The following CDK14 variants were observed in gnomAD, a reference collection of about 807,000 sequenced individuals.
The protein encoded by CDK14 is cyclin-dependent kinase 14.
In CDK14, 34 loss-of-function variants were observed where a neutral mutation model predicts 60.7. The ratio of observed to expected loss-of-function variants is 0.56; its 90% confidence interval spans 0.43 to 0.75. CDK14 has a LOEUF of 0.75. Ranked by LOEUF, CDK14 falls within the 30% of genes least tolerant of loss-of-function variation. The pLI is 0.00. For synonymous variants in CDK14, 197 were observed against 203.7 expected (o/e 0.97, Z 0.28); for missense variants, 482 against 564.1 (o/e 0.85, Z 1.47).
intron 2 of CDK14, among the ~76,000 whole-genome samples, chr7:90,699,419 C>G (rs1563049237): frequency 2.0e-5 from 3 of 152,196 alleles, no homozygotes; most frequent in Admixed American, 6.5e-5. Flanking sequence ...TCATTTAGCC[C>G]TGCAGCAACC....
intron 13 of CDK14, among the ~76,000 whole-genome samples, chr7:91,115,570 T>A (rs969578657): frequency 5.9e-5 from 9 of 152,166 alleles, no homozygotes; most frequent in African/African-American, 1.9e-4. Flanking sequence ...AGATGGCTCA[T>A]AGCACTTTCT....
intron 2 of CDK14, among the ~76,000 whole-genome samples, chr7:90,651,646 T>C (rs1800644946): frequency 6.6e-6 from 1 of 152,170 alleles, no homozygotes; most frequent in African/African-American, 2.4e-5. Flanking sequence ...ACAATTACAG[T>C]GACATGTTTG....
At chr7:90,923,564 T>G (rs1249637942) in intron 8 of CDK14, among the ~76,000 whole-genome samples, 1 of 152,150 alleles carries the variant, frequency 6.6e-6, no homozygotes, top group African/African-American at 2.4e-5. Context: ...GTAGATAGGG[T>G]TTGATTGCTA....
intron 4 of CDK14, among the ~76,000 whole-genome samples, chr7:90,779,077 C>A (rs1805188137): frequency 6.6e-6 from 1 of 151,926 alleles, no homozygotes. Flanking sequence ...CATGGTGAAA[C>A]CCCGTCTCTA....
At chr7:90,804,464 T>A (rs1215173348) in intron 5 of CDK14, among the ~76,000 whole-genome samples, 1 of 152,274 alleles carries the variant, frequency 6.6e-6, no homozygotes, top group East Asian at 1.9e-4. Flanking sequence ...TAACATGAAT[T>A]GCTTAAAGCG....
At chr7:90,753,245 A>G (rs1239074726) in intron 4 of CDK14, among the ~76,000 whole-genome samples, 1 of 152,174 alleles carries the variant, frequency 6.6e-6, no homozygotes, top group Non-Finnish European at 1.5e-5. Context: ...TAAACAAAAT[A>G]CCAGCAAACC....
At chr7:90,898,420 A>G (rs1792402561) in intron 6 of CDK14, among the ~76,000 whole-genome samples, 2 of 152,134 alleles carry the variant, frequency 1.3e-5, no homozygotes, top group South Asian at 4.1e-4. Flanking sequence ...AGGTTCTTGA[A>G]TGTATTATAA....
At chr7:91,172,684 T>C (rs139570060) in intron 14 of CDK14, among the ~76,000 whole-genome samples, 37 of 152,288 alleles carry the variant, frequency 2.4e-4, no homozygotes, top group Admixed American at 2.0e-3. Flanking sequence ...TTGCTTGGGG[T>C]ACAGAACATG....
chr7:90,637,485 C>T (rs1361074756), intron 2 of CDK14, among the ~76,000 whole-genome samples: 3 of 151,240 alleles, frequency 2.0e-5, no homozygotes, highest in Non-Finnish European at 3.0e-5. Flanking sequence ...TTTGATTGCA[C>T]TGTGGTCTGA....
At chr7:90,987,980 T>G (rs896218836) in intron 10 of CDK14, among the ~76,000 whole-genome samples, 2 of 152,190 alleles carry the variant, frequency 1.3e-5, no homozygotes, top group African/African-American at 4.8e-5. Context: ...GCCTGTGAAC[T>G]GTACATAGAA....
chr7:90,938,873 G>A (rs1793830553), intron 8 of CDK14, among the ~76,000 whole-genome samples: 1 of 152,158 alleles, frequency 6.6e-6, no homozygotes, highest in African/African-American at 2.4e-5. Context: ...AACATTTGAT[G>A]CATTGTCATC....
chr7:90,668,637 T>C (rs1301768138), intron 2 of CDK14, among the ~76,000 whole-genome samples: 1 of 151,686 alleles, frequency 6.6e-6, no homozygotes, highest in African/African-American at 2.4e-5. Context: ...TAGTTTTAGG[T>C]CTTACATTTA....
chr7:90,983,605 A>G (rs556474977), intron 9 of CDK14, among the ~76,000 whole-genome samples: 205 of 151,604 alleles, frequency 1.4e-3, no homozygotes, highest in Admixed American at 2.9e-3. Context: ...GCGTGAACCC[A>G]GGAGGTAGAG....
At chr7:90,900,364 CTG>C (rs1350522968) in intron 7 of CDK14, among the ~76,000 whole-genome samples, 1 of 151,984 alleles carries the variant, frequency 6.6e-6, no homozygotes, top group African/African-American at 2.4e-5. Context: ...AGTTTTTTGA[CTG>C]TTCATTTTTC....
At chr7:90,665,226 A>T (rs1378923112) in intron 2 of CDK14, among the ~76,000 whole-genome samples, 1 of 152,156 alleles carries the variant, frequency 6.6e-6, no homozygotes, top group Non-Finnish European at 1.5e-5. Context: ...CGAAGGTTGC[A>T]GTGAGCTGAG....
At chr7:90,630,457 A>T (rs1422800346) in intron 2 of CDK14, among the ~76,000 whole-genome samples, 1 of 152,214 alleles carries the variant, frequency 6.6e-6, no homozygotes, top group Admixed American at 6.5e-5. Flanking sequence ...CCAGAATTAT[A>T]TATGAAGTTT....
chr7:90,989,001 A>T (rs6946070), intron 10 of CDK14, among the ~76,000 whole-genome samples: 2,512 of 149,880 alleles, frequency 0.017, 41 homozygotes, highest in Non-Finnish European at 0.022. Context: ...TTTGTGTGTG[A>T]GTGTGTGTGT....
chr7:91,050,815 G>T (rs1285163433), intron 11 of CDK14, among the ~76,000 whole-genome samples: 1 of 152,154 alleles, frequency 6.6e-6, no homozygotes, highest in Non-Finnish European at 1.5e-5. Context: ...AGGTGAAGGG[G>T]GAGCATGCAT....
intron 2 of CDK14, among the ~76,000 whole-genome samples, chr7:90,641,229 A>G (rs1367122022): frequency 6.6e-6 from 1 of 152,138 alleles, no homozygotes; most frequent in African/African-American, 2.4e-5. Flanking sequence ...AGTTCCTCAA[A>G]TAGTTAAACA....
Sources: gnomAD v4.1 joint callset for allele counts (sites outside exome capture counted in the v4.1 genomes callset) on GRCh38, gnomAD v4.1.1 for gene constraint, MANE v1.5 for transcripts, NCBI Gene and HGNC (gene_info 2026-07-23, HGNC 2026-07-21) for gene names.